Variants in LDB2 observed in about 807,000 individuals in gnomAD.
The protein encoded by LDB2 is LIM domain binding 2, also known as LIM domain-binding protein 2.
In LDB2, 12 loss-of-function variants were observed where a neutral mutation model predicts 44.3. That is an observed-to-expected ratio of 0.27 (90% confidence interval 0.17 to 0.44). The LOEUF is 0.44. Among genes scored for constraint, LDB2 ranks in the 20% least tolerant of loss-of-function variants. The pLI is 1.00. For synonymous variants in LDB2, 164 were observed against 174.8 expected, an observed-to-expected ratio of 0.94 and a Z score of 0.49; for missense variants, 344 against 473.5, an observed-to-expected ratio of 0.73 and a Z score of 2.54.
At chr4:16,790,358 A>G (rs1193336781) in intron 1 of LDB2, among the ~76,000 whole-genome samples, 1 of 152,208 alleles carries the variant, frequency 6.6e-6, no homozygotes, top group Non-Finnish European at 1.5e-5. Context: ...TCAGTCAACA[A>G]CAGACTGCCT....
At chr4:16,743,968 A>G (rs1237296591) in intron 2 of LDB2, among the ~76,000 whole-genome samples, 2 of 152,192 alleles carry the variant, frequency 1.3e-5, no homozygotes, top group Non-Finnish European at 2.9e-5. Context: ...TTTACACATC[A>G]CTAAAATCAA....
intron 1 of LDB2, among the ~76,000 whole-genome samples, chr4:16,851,056 T>C (rs1788136201): frequency 1.3e-5 from 2 of 151,254 alleles, no homozygotes; most frequent in South Asian, 4.2e-4. Flanking sequence ...ATCTAGAAAA[T>C]ATCCACAATT....
chr4:16,743,266 G>A (rs1019476707), intron 2 of LDB2, among the ~76,000 whole-genome samples: 1 of 152,022 alleles, frequency 6.6e-6, no homozygotes, highest in African/African-American at 2.4e-5. Context: ...CTCTAGCCTG[G>A]GTGATAGAGT....
intron 1 of LDB2, among the ~76,000 whole-genome samples, chr4:16,764,649 T>C (rs1027753436): frequency 6.6e-6 from 1 of 152,050 alleles, no homozygotes; most frequent in Non-Finnish European, 1.5e-5. Context: ...GAGACCATGG[T>C]CATTTGAAAG....
intron 3 of LDB2, 137 bp from the exon 4 acceptor site, chr4:16,588,969 G>T (rs1316468813): frequency 4.9e-6 from 4 of 811,612 alleles, no homozygotes; most frequent in East Asian, 5.0e-5. Context: ...TGACACGAGT[G>T]ATGTGTCCAC....
intron 1 of LDB2, among the ~76,000 whole-genome samples, chr4:16,764,000 T>C (rs1768600832): frequency 6.6e-6 from 1 of 152,170 alleles, no homozygotes; most frequent in Non-Finnish European, 1.5e-5. Flanking sequence ...ACCCTTAAGA[T>C]ATTCATAGAG....
At chr4:16,847,465 T>TA (rs2110154506) in intron 1 of LDB2, among the ~76,000 whole-genome samples, 2 of 152,358 alleles carry the variant, frequency 1.3e-5, no homozygotes, top group South Asian at 4.1e-4. Context: ...AAAAAATTCT[T>TA]ACATCAAAGA....
chr4:16,707,365 A>T (rs1754833736), intron 2 of LDB2, among the ~76,000 whole-genome samples: 1 of 152,186 alleles, frequency 6.6e-6, no homozygotes, highest in Non-Finnish European at 1.5e-5. Flanking sequence ...AATTAAAGGA[A>T]GAAAAACCCC....
chr4:16,818,439 A>G (rs1341751365), intron 1 of LDB2, among the ~76,000 whole-genome samples: 1 of 152,250 alleles, frequency 6.6e-6, no homozygotes, highest in Non-Finnish European at 1.5e-5. Context: ...CTACTCTGCC[A>G]CACCAGGTAT....
At chr4:16,569,170 T>G (rs2152395350) in intron 5 of LDB2, among the ~76,000 whole-genome samples, 1 of 152,338 alleles carries the variant, frequency 6.6e-6, no homozygotes. Context: ...AAGGCGAAAG[T>G]TGGAAGAGGA....
At chr4:16,884,487 C>T (rs954490042) in intron 1 of LDB2, among the ~76,000 whole-genome samples, 1 of 152,184 alleles carries the variant, frequency 6.6e-6, no homozygotes, top group African/African-American at 2.4e-5. Context: ...CACCCCAGAC[C>T]TTAAGCCTCA....
chr4:16,825,601 C>CT (rs970366256), intron 1 of LDB2, among the ~76,000 whole-genome samples: 12 of 149,172 alleles, frequency 8.0e-5, no homozygotes, highest in East Asian at 5.9e-4. Context: ...TGAGGCCACT[C>CT]TTTTTTTTTT....
At chr4:16,809,744 A>ACAAAC (rs1554031285) in intron 1 of LDB2, among the ~76,000 whole-genome samples, 8 of 147,408 alleles carry the variant, frequency 5.4e-5, no homozygotes, top group Non-Finnish European at 1.1e-4. Flanking sequence ...AAACAAACAA[A>ACAAAC]AAAAAAACGG....
intron 5 of LDB2, among the ~76,000 whole-genome samples, chr4:16,523,364 G>A (rs1456497929): frequency 3.9e-5 from 6 of 152,060 alleles, no homozygotes; most frequent in East Asian, 1.9e-4. Flanking sequence ...CATTCTTACC[G>A]TAGATCTTAG....
chr4:16,870,342 A>G (rs1471692838), intron 1 of LDB2, among the ~76,000 whole-genome samples: 1 of 152,190 alleles, frequency 6.6e-6, no homozygotes, highest in African/African-American at 2.4e-5. Context: ...TTTAAATGTC[A>G]TATTAGTCCA....
intron 2 of LDB2, among the ~76,000 whole-genome samples, chr4:16,701,526 T>C (rs1753428114): frequency 6.6e-6 from 1 of 152,166 alleles, no homozygotes; most frequent in East Asian, 1.9e-4. Flanking sequence ...GCATTTAGCA[T>C]ATATAGCACC....
chr4:16,863,749 C>G (rs1427462817), intron 1 of LDB2, among the ~76,000 whole-genome samples: 1 of 147,590 alleles, frequency 6.8e-6, no homozygotes, highest in Admixed American at 7.1e-5. Flanking sequence ...CAAGCTCTGC[C>G]TCCCGGGTTC....
chr4:16,760,917 G>A (rs1767763136), intron 1 of LDB2, among the ~76,000 whole-genome samples: 1 of 152,040 alleles, frequency 6.6e-6, no homozygotes, highest in Non-Finnish European at 1.5e-5. Context: ...CATTTATTGA[G>A]TGTTTACCAC....
chr4:16,755,243 G>A (rs1026131333), intron 2 of LDB2, among the ~76,000 whole-genome samples: 3 of 152,132 alleles, frequency 2.0e-5, no homozygotes, highest in Admixed American at 2.0e-4. Flanking sequence ...CTAATAGCAA[G>A]TGATCAGCCT....
Sources: allele counts gnomAD v4.1 joint callset (sites outside exome capture counted in the v4.1 genomes callset), GRCh38; gene constraint gnomAD v4.1.1; transcripts MANE v1.5; gene names NCBI Gene and HGNC (gene_info 2026-07-23, HGNC 2026-07-21).